WDR19: variants seen among roughly 807,000 people sequenced by gnomAD.
The protein encoded by WDR19 is WD repeat-containing protein 19.
A neutral mutation model predicts 180.0 loss-of-function variants in WDR19; 121 were observed. That is an observed-to-expected ratio of 0.67 (90% CI 0.58 to 0.78). The LOEUF is 0.78. Ranked by LOEUF, WDR19 falls within the 30% of genes least tolerant of loss-of-function variation. WDR19 has a pLI of 0.00. For synonymous variants in WDR19, 497 were observed against 540.7 expected (o/e 0.92, Z 1.12); for missense variants, 1,450 against 1,640.7 (o/e 0.88, Z 2.01).
chr4:39,260,512 T>C (rs1468882377), intron 28 of WDR19, among the ~76,000 whole-genome samples: 2 of 152,094 alleles, frequency 1.3e-5, no homozygotes, highest in Non-Finnish European at 2.9e-5. Context: ...CTAATTTTTT[T>C]GTACTTTTAG....
At position 39,254,019 on chromosome 4, in the gene WDR19, C is replaced by A. The variant is rs1381022232; in HGVS notation, c.2990C>A (p.Ala997Glu). The change falls in exon 26 of 37, where the codon GCA (alanine) becomes GAA (glutamate). Residue 997 changes from alanine to glutamate, a missense_variant. Ala to Glu is a moderately radical substitution (Grantham distance 107). Coordinates refer to ENST00000399820, the MANE Select transcript of WDR19 (RefSeq NM_025132.4). ...AQQHNKMEIYADIIGSEDTTN... is the reference protein window; with the variant it reads ...AQQHNKMEIYEDIIGSEDTTN... ...CAACACAACAAAATGGAAATCTATGCAGATATTATTGGTAAATATCATTTT... is the reference window on the plus strand; with the variant it reads ...CAACACAACAAAATGGAAATCTATGAAGATATTATTGGTAAATATCATTTT... 6.2e-7 allele frequency: 1 copy of A among 1,609,862 alleles called. No individual in the cohort carries two copies. The highest frequency in any genetic ancestry group is 8.5e-7 in the Non-Finnish European group (1 of 1,177,728).
chr4:39,285,357 G>T (rs895039924), intron 36 of WDR19, 130 bp from the exon 37 acceptor site: 1 of 152,124 alleles, frequency 6.6e-6, no homozygotes, highest in Non-Finnish European at 1.5e-5. Flanking sequence ...TTTCTAACTT[G>T]AATGTTTCCT....
chr4:39,221,428 G>A (rs1257925813), intron 14 of WDR19, among the ~76,000 whole-genome samples: 1 of 152,172 alleles, frequency 6.6e-6, no homozygotes, highest in Non-Finnish European at 1.5e-5. Flanking sequence ...CAACTATCCT[G>A]GTTTCATTCT....
intron 26 of WDR19, among the ~76,000 whole-genome samples, 199 bp from the exon 27 acceptor site, chr4:39,255,649 A>C (rs1418400369): frequency 6.6e-6 from 1 of 150,956 alleles, no homozygotes; most frequent in Admixed American, 6.6e-5. Flanking sequence ...TTTAGAGTTA[A>C]AAAAAAAAGA....
intron 4 of WDR19, among the ~76,000 whole-genome samples, chr4:39,192,654 G>A (rs548149551): frequency 6.6e-6 from 1 of 152,236 alleles, no homozygotes; most frequent in East Asian, 1.9e-4. Context: ...TAGAGATGGG[G>A]TTCCACCATC....
At chr4:39,251,165 A>G (rs1209472085) in intron 24 of WDR19, among the ~76,000 whole-genome samples, 1 of 152,234 alleles carries the variant, frequency 6.6e-6, no homozygotes. Flanking sequence ...ACAGAGATAT[A>G]GATCAATGGA....
chr4:39,196,060 G>A (rs1324071251), intron 5 of WDR19, among the ~76,000 whole-genome samples: 1 of 152,092 alleles, frequency 6.6e-6, no homozygotes, highest in African/African-American at 2.4e-5. Context: ...CCTTTCTTGG[G>A]TATAGAAAGA....
chr4:39,223,519 C>T (rs769752857), intron 14 of WDR19, among the ~76,000 whole-genome samples: 23 of 152,064 alleles, frequency 1.5e-4, no homozygotes, highest in Non-Finnish European at 2.6e-4. Context: ...TTAGTAGAGA[C>T]GGGGTTTCAC....
At chr4:39,197,963 C>T (rs182723031) in intron 5 of WDR19, among the ~76,000 whole-genome samples, 107 of 152,196 alleles carry the variant, frequency 7.0e-4, no homozygotes, top group African/African-American at 2.3e-3. Context: ...CTCAGCTTCC[C>T]GAGTAGCTGG....
chr4:39,246,295 C>A (rs538721962), intron 24 of WDR19, among the ~76,000 whole-genome samples: 56 of 152,252 alleles, frequency 3.7e-4, no homozygotes, highest in African/African-American at 1.3e-3. Flanking sequence ...CACTTGAGGC[C>A]AGGAGTTTGA....
intron 30 of WDR19, among the ~76,000 whole-genome samples, chr4:39,269,581 C>T (rs191113146): frequency 3.7e-4 from 56 of 152,318 alleles, no homozygotes; most frequent in African/African-American, 1.3e-3. Flanking sequence ...CACAATGGCT[C>T]ATGCCTGTAA....
rs758291511 is a variant in WDR19 at position 39,278,617 on chromosome 4, T to C, written c.3996T>C (p.Cys1332=). 23 of 1,613,238 alleles carry C rather than the reference T, an allele frequency of 1.4e-5. No homozygotes were observed. The highest frequency in any genetic ancestry group is 2.2e-5 in the East Asian group (1 of 44,866). The part of the protein sequence containing the change: ...NAAQLKKISD[C]TQYLRTEEEL ...CTCAGCTGAAAAAGATTTCAGACTG[T>C]ACCCAGTACCTGCGAACGGAGGAGG... Residue 1332 remains cysteine, a synonymous_variant, in exon 36 of 37, where the codon TGT becomes TGC. Transcript: ENST00000399820.
intron 28 of WDR19, among the ~76,000 whole-genome samples, chr4:39,261,401 C>A (rs1047784532): frequency 3.3e-5 from 5 of 152,154 alleles, no homozygotes; most frequent in African/African-American, 7.2e-5. Flanking sequence ...ATCTCAGCAA[C>A]CATTGATGAT....
intron 1 of WDR19, 111 bp from the exon 2 acceptor site, chr4:39,185,615 C>T: frequency 9.9e-7 from 1 of 1,013,912 alleles, no homozygotes; most frequent in Non-Finnish European, 1.5e-6. Flanking sequence ...ATAATCCTCA[C>T]TATCCTGAAT....
At chr4:39,192,524 C>T (rs1435473127) in intron 4 of WDR19, among the ~76,000 whole-genome samples, 1 of 152,128 alleles carries the variant, frequency 6.6e-6, no homozygotes, top group African/African-American at 2.4e-5. Context: ...GGCTGGAGTG[C>T]AGTGGCTTGA....
chr4:39,273,249 A>G, intron 32 of WDR19, 188 bp downstream of exon 32: 1 of 551,768 alleles, frequency 1.8e-6, no homozygotes, highest in Non-Finnish European at 3.1e-6. Context: ...AGGATTTACA[A>G]GAGTCAACAC....
In WDR19 at chr4:39,253,919, C is replaced by T. The variant is rs1367593926; in HGVS notation, c.2890C>T (p.Leu964Phe). Reference protein sequence around the residue: ...AKMVARFFLQLGDYGSAIQFL... With the variant: ...AKMVARFFLQFGDYGSAIQFL... ...ACTTTGCTTTAGGTTTTTTCTACAG[C>T]TTGGTGACTATGGGTCTGCCATCCA... Residue 964 changes from leucine to phenylalanine, a missense_variant, in exon 26 of 37, where the codon CTT (leucine) becomes TTT (phenylalanine). Physicochemically the swap from Leu to Phe is conservative, Grantham distance 22. Transcript: ENST00000399820. 6.2e-7 allele frequency: 1 copy of T among 1,603,062 alleles called. No individual in the cohort carries two copies. Among genetic ancestry groups the T allele is most frequent in the Non-Finnish European group, 8.5e-7 (1 of 1,173,710 alleles).
chr4:39,258,726 T>G (rs1209003403), intron 28 of WDR19, among the ~76,000 whole-genome samples: 1 of 152,226 alleles, frequency 6.6e-6, no homozygotes, highest in Admixed American at 6.5e-5. Context: ...AAGGCATGGC[T>G]TGCCTTTTTA....
At chr4:39,190,874 G>C (rs552024886) in intron 4 of WDR19, among the ~76,000 whole-genome samples, 2 of 152,120 alleles carry the variant, frequency 1.3e-5, no homozygotes, top group Non-Finnish European at 2.9e-5. Flanking sequence ...TCCATTCAAG[G>C]GAAAGTTTAA....
Sources: allele counts gnomAD v4.1 joint callset (sites outside exome capture counted in the v4.1 genomes callset), GRCh38; gene constraint gnomAD v4.1.1; transcripts MANE v1.5; gene names NCBI Gene and HGNC (gene_info 2026-07-23, HGNC 2026-07-21).